CASP6: variants seen among roughly 807,000 people sequenced by gnomAD.
The protein encoded by CASP6 is caspase-6.
In CASP6, 20 loss-of-function variants were observed where a neutral mutation model predicts 31.8. The observed-to-expected ratio is 0.63, with a 90% CI of 0.44 to 0.91. The LOEUF is 0.91. CASP6 is among the 40% of genes least tolerant of loss of function. The probability of loss-of-function intolerance (pLI) is 0.00; values close to 1 mark genes in which losing one functional copy is unlikely to be tolerated. For synonymous variants in CASP6, 130 were observed against 127.8 expected (o/e 1.02, Z -0.12); for missense variants, 328 against 361.1 (o/e 0.91, Z 0.74).
At chr4:109,696,516 T>C (rs1730244502) in intron 3 of CASP6, 30 bp from the exon 4 acceptor site, 1 of 1,493,624 alleles carries the variant, frequency 6.7e-7, no homozygotes. Context: ...AATGTTAGCC[T>C]ATAAACTTTT....
chr4:109,682,883 C>CT, the CASP6 span: 5 of 594,884 alleles, frequency 8.4e-6, no homozygotes, highest in Admixed American at 9.8e-5. Context: ...AAGTTCAGTG[C>CT]TTTTATCTTC....
the CASP6 span, among the ~76,000 whole-genome samples, chr4:109,672,959 T>G: frequency 6.6e-6 from 1 of 152,270 alleles, no homozygotes; most frequent in African/African-American, 2.4e-5. Context: ...AAAAATAATT[T>G]TTTAAAATTT....
chr4:109,692,440 G>GT (rs1308394969), intron 5 of CASP6: 7 of 152,198 alleles, frequency 4.6e-5, no homozygotes, highest in Non-Finnish European at 8.8e-5. Flanking sequence ...GAGAGAGAAA[G>GT]TAACTTGGAA....
chr4:109,689,321 C>T lies in CASP6; in HGVS notation c.*9G>A. The stretch of plus-strand genomic sequence containing the variant: ...AATACAGAGTGTAAAATTAGATAGC[C>T]TCTATTAATTAATTAGATTTTGGAA... On this transcript the variant is annotated 3_prime_UTR_variant, in exon 7 of 7. Transcript: ENST00000265164. The T allele has an allele frequency of 6.2e-7, 1 of 1,609,312 alleles. No homozygotes were observed. Among genetic ancestry groups the T allele is most frequent in the Non-Finnish European group, 8.5e-7 (1 of 1,176,084 alleles).
chr4:109,673,957 GCA>G, the CASP6 span: 1 of 829,074 alleles, frequency 1.2e-6, no homozygotes, highest in Non-Finnish European at 2.2e-6. Flanking sequence ...AGGTTTTGCA[GCA>G]GTTGTTGCAT....
downstream of CASP6, chr4:109,687,550 C>G (rs1276568343): frequency 6.2e-7 from 1 of 1,612,902 alleles, no homozygotes; most frequent in Non-Finnish European, 8.5e-7. Flanking sequence ...GTCATTCTCT[C>G]TGTTTGCAAA....
At position 109,700,854 on chromosome 4, in the gene CASP6, T is replaced by C. The variant is rs5030537; in HGVS notation, c.40+2502A>G. On this transcript the variant is annotated intron_variant, in intron 1 of 6. Coordinates refer to ENST00000265164, the MANE Select transcript of CASP6 (RefSeq NM_001226.4). ...GAGTTGATAAACTTTACCCACAGAT[T>C]GAGAGAAAATAACACATCATGACCA... Among the ~76,000 whole-genome samples, 551 of 152,292 alleles carry C rather than the reference T, an allele frequency of 3.6e-3. 5 individuals carry two copies. The highest frequency in any genetic ancestry group is 0.013 in the African/African-American group (537 of 41,554).
At chr4:109,685,124 T>C, downstream of CASP6, 1 of 589,986 alleles carries the variant, frequency 1.7e-6, no homozygotes, top group South Asian at 2.3e-5. Flanking sequence ...CTCATGGCCA[T>C]TGCAAATATT....
At chr4:109,684,762 G>C (rs1364076873), downstream of CASP6, 6 of 605,644 alleles carry the variant, frequency 9.9e-6, no homozygotes, top group African/African-American at 7.4e-5. Flanking sequence ...TGGTTTTTAT[G>C]AGCTGGTAAA....
intron 6 of CASP6, among the ~76,000 whole-genome samples, chr4:109,689,992 C>G (rs1463585834): frequency 6.6e-6 from 1 of 151,488 alleles, no homozygotes; most frequent in African/African-American, 2.4e-5. Context: ...CGAGACCAGC[C>G]TGGCCAACAT....
upstream of CASP6, among the ~76,000 whole-genome samples, chr4:109,705,539 C>G (rs1273884651): frequency 1.3e-5 from 2 of 152,046 alleles, no homozygotes; most frequent in African/African-American, 4.8e-5. Flanking sequence ...TCTGATAGTT[C>G]TGAGCAAAGT....
At chr4:109,706,031 T>TATATATATATATATATAA (rs1292562229), upstream of CASP6, among the ~76,000 whole-genome samples, 2 of 82,468 alleles carry the variant, frequency 2.4e-5, no homozygotes, top group African/African-American at 1.2e-4. Flanking sequence ...TATATATATA[T>TATATATATATATATATAA]AATATATATA....
At chr4:109,696,517 A>G (rs1422020787) in intron 3 of CASP6, 31 bp from the exon 4 acceptor site, 2 of 1,496,016 alleles carry the variant, frequency 1.3e-6, no homozygotes, top group African/African-American at 2.8e-5. Context: ...ATGTTAGCCT[A>G]TAAACTTTTC....
chr4:109,698,713 A>T (rs1730328270), intron 1 of CASP6, among the ~76,000 whole-genome samples: 1 of 152,244 alleles, frequency 6.6e-6, no homozygotes. Flanking sequence ...TCTGAAAAAG[A>T]ATTAAGTCCT....
upstream of CASP6, among the ~76,000 whole-genome samples, chr4:109,705,996 AAAAAAATAT>A (rs1435839987): frequency 1.4e-4 from 9 of 64,556 alleles, no homozygotes; most frequent in South Asian, 3.4e-3. Flanking sequence ...AAAAAAAAAA[AAAAAAATAT>A]ATATATATAT....
downstream of CASP6, among the ~76,000 whole-genome samples, chr4:109,686,558 G>A (rs1043596048): frequency 2.0e-5 from 3 of 152,216 alleles, no homozygotes; most frequent in Admixed American, 1.3e-4. Flanking sequence ...GAAGGCTAAG[G>A]AATGTTCTTT....
At chr4:109,681,981 C>T in the CASP6 span, among the ~76,000 whole-genome samples, 10 of 152,332 alleles carry the variant, frequency 6.6e-5, no homozygotes, top group Non-Finnish European at 1.0e-4. Flanking sequence ...TTTTATATCC[C>T]GATCCTTGTC....
intron 2 of CASP6, among the ~76,000 whole-genome samples, 172 bp downstream of exon 2, chr4:109,698,128 A>G (rs1042104227): frequency 1.3e-5 from 2 of 152,154 alleles, no homozygotes; most frequent in Non-Finnish European, 2.9e-5. Context: ...GGGTCCCTCG[A>G]CAACCAGGGG....
chr4:109,673,875 A>G, the CASP6 span: 2 of 772,024 alleles, frequency 2.6e-6, no homozygotes, highest in African/African-American at 3.4e-5. Flanking sequence ...CTCTTCCTTC[A>G]TATGAGGAAT....
Sources: allele counts gnomAD v4.1 joint callset (sites outside exome capture counted in the v4.1 genomes callset), GRCh38; gene constraint gnomAD v4.1.1; transcripts MANE v1.5; gene names NCBI Gene and HGNC (gene_info 2026-07-23, HGNC 2026-07-21).